Variants in RXRA observed in about 807,000 individuals in gnomAD.
RXRA encodes retinoid X receptor alpha.
Under a neutral mutation model 44.5 loss-of-function variants are expected in RXRA, and 5 were observed. The observed-to-expected ratio is 0.11, with a 90% confidence interval of 0.06 to 0.24. The LOEUF (loss-of-function observed/expected upper bound fraction) is 0.24. RXRA is among the 10% of genes least tolerant of loss of function. RXRA has a pLI of 1.00. For missense variants in RXRA, 412 were observed against 646.5 expected, an observed-to-expected ratio of 0.64 and a Z score of 3.93; for synonymous variants, 291 against 271.4, an observed-to-expected ratio of 1.07 and a Z score of -0.71.
intron 1 of RXRA, among the ~76,000 whole-genome samples, chr9:134,344,392 T>C (rs1441135982): frequency 6.6e-6 from 1 of 152,142 alleles, no homozygotes; most frequent in East Asian, 1.9e-4. Flanking sequence ...GGGGCTGAGA[T>C]TGGGGTCCCG....
chr9:134,380,023 C>T (rs933641007), intron 1 of RXRA: 1 of 985,280 alleles, frequency 1.0e-6, no homozygotes, highest in Non-Finnish European at 1.2e-6. Context: ...AGCAGGGGCT[C>T]CCTTTTCTGT....
At chr9:134,348,030 G>A (rs1214685315) in intron 1 of RXRA, among the ~76,000 whole-genome samples, 1 of 152,206 alleles carries the variant, frequency 6.6e-6, no homozygotes, top group African/African-American at 2.4e-5. Context: ...AGGAGCCGGT[G>A]GGTCTGGTTG....
intron 1 of RXRA, among the ~76,000 whole-genome samples, chr9:134,397,088 G>A (rs1392342011): frequency 6.6e-6 from 1 of 152,242 alleles, no homozygotes; most frequent in Non-Finnish European, 1.5e-5. Context: ...CTGCTCTGGG[G>A]TCCAGGGAGC....
intron 1 of RXRA, among the ~76,000 whole-genome samples, chr9:134,382,898 G>A (rs983146407): frequency 8.5e-5 from 13 of 152,318 alleles, no homozygotes; most frequent in Admixed American, 2.0e-4. Flanking sequence ...AGCACCTGTC[G>A]AGTTCTTGGA....
intron 1 of RXRA, among the ~76,000 whole-genome samples, chr9:134,339,841 G>A (rs1830064322): frequency 6.7e-6 from 1 of 149,926 alleles, no homozygotes; most frequent in South Asian, 2.2e-4. Context: ...GTGAGTCTGT[G>A]TGTGTGTGAG....
rs1831685610 is a variant in RXRA at position 134,439,184 on chromosome 9, A to G, written c.*2570A>G. ...CAATCTTTAATTTTCTAAAGATAGC[A>G]CTAACATCAGCTCATTAGCCACCTG... On this transcript the variant is annotated 3_prime_UTR_variant, in exon 10 of 10. Coordinates refer to ENST00000481739, the MANE Select transcript of RXRA (RefSeq NM_002957.6). The G allele has an allele frequency of 6.6e-6, 1 of 152,214 alleles. No homozygotes were observed. The highest frequency in any genetic ancestry group is 2.1e-4 in the South Asian group (1 of 4,830). 9.4% of individuals were successfully genotyped at this position (152,214 alleles called of 1,614,324 possible).
intron 4 of RXRA, among the ~76,000 whole-genome samples, chr9:134,414,477 A>C (rs1214269470): frequency 6.6e-6 from 1 of 152,224 alleles, no homozygotes; most frequent in African/African-American, 2.4e-5. Context: ...TGTCATTTTC[A>C]TCTTACGGAT....
At position 134,439,907 on chromosome 9, in the gene RXRA, G is replaced by T. The variant is rs779322117; in HGVS notation, c.*3293G>T. Reference sequence around the variant, plus strand: ...AAGGACCCTCCTTTGGTGAAATCCGGGTTCGAATGAATATCTCAAGGCAGG... The same window carrying T: ...AAGGACCCTCCTTTGGTGAAATCCGTGTTCGAATGAATATCTCAAGGCAGG... On this transcript the variant is annotated 3_prime_UTR_variant, in exon 10 of 10. Transcript: ENST00000481739. The T allele has an allele frequency of 6.6e-6, 1 of 152,366 alleles. No individual in the cohort carries two copies. Among genetic ancestry groups the T allele is most frequent in the East Asian group, 1.9e-4 (1 of 5,192 alleles). 9.4% of individuals were successfully genotyped at this position (152,366 alleles called of 1,614,324 possible).
intron 1 of RXRA, among the ~76,000 whole-genome samples, chr9:134,364,977 TCTTA>T (rs1432610985): frequency 3.9e-5 from 6 of 152,206 alleles, no homozygotes; most frequent in Non-Finnish European, 8.8e-5. Flanking sequence ...TTACCTGCCC[TCTTA>T]CTTATGAGGA....
At chr9:134,424,418 C>T (rs557299039) in intron 6 of RXRA, 30 of 985,360 alleles carry the variant, frequency 3.0e-5, no homozygotes, top group Middle Eastern at 5.2e-4. Flanking sequence ...TGGGCGCCCA[C>T]TGAGGTCCTT....
chr9:134,389,331 G>A (rs139923729), intron 1 of RXRA, among the ~76,000 whole-genome samples: 11 of 152,330 alleles, frequency 7.2e-5, no homozygotes, highest in African/African-American at 2.4e-4. Flanking sequence ...AGAAGTGGAC[G>A]TTGGTGAGGC....
chr9:134,326,901 G>T (rs1251371096), intron 1 of RXRA, among the ~76,000 whole-genome samples: 1 of 149,374 alleles, frequency 6.7e-6, no homozygotes, highest in African/African-American at 2.4e-5. Context: ...GGGGCGGGTG[G>T]CAGGTTCGCC....
At chr9:134,409,321 G>A (rs1256355670) in intron 4 of RXRA, among the ~76,000 whole-genome samples, 5 of 152,354 alleles carry the variant, frequency 3.3e-5, no homozygotes, top group South Asian at 2.1e-4. Context: ...GGTCCTGGGC[G>A]GCATGTTCTG....
intron 1 of RXRA, among the ~76,000 whole-genome samples, chr9:134,362,818 G>A (rs985968504): frequency 3.3e-5 from 5 of 152,234 alleles, no homozygotes; most frequent in Admixed American, 6.5e-5. Context: ...GGCTGGTGGC[G>A]CTTAGAGGAG....
In RXRA at chr9:134,412,621, G is replaced by A. The variant is rs183222918; in HGVS notation, c.610+3502G>A. ...TCGTTCCGCAGCATTCCCGGGACCA[G>A]GGGTGGGCAGAGGTGGGGGGACGTG... On this transcript the variant is annotated intron_variant, in intron 4 of 9. Coordinates refer to ENST00000481739, the MANE Select transcript of RXRA (RefSeq NM_002957.6). 1.4e-3 allele frequency among the ~76,000 whole-genome samples: 210 copies of A among 152,322 alleles called. 1 individual carries two copies. Among genetic ancestry groups the A allele is most frequent in the African/African-American group, 4.8e-3 (201 of 41,578 alleles).
In RXRA at chr9:134,421,687, T is replaced by A. The variant is rs1490698723; in HGVS notation, c.792T>A (p.Pro264=). 1 of 1,567,978 alleles carries A rather than the reference T, an allele frequency of 6.4e-7. No homozygotes were observed. Among genetic ancestry groups the A allele is most frequent in the Non-Finnish European group, 8.7e-7 (1 of 1,152,046 alleles). Reference sequence around the variant, plus strand: ...TTCCTCCACTGCAGCCGAACGACCCTGTCACCAACATTTGCCAAGCAGCCG... The same window carrying A: ...TTCCTCCACTGCAGCCGAACGACCCAGTCACCAACATTTGCCAAGCAGCCG... ...MGLNPSSPND[P]VTNICQAADK... is the part of the protein sequence containing the mutation. Residue 264 remains proline, a synonymous_variant, in exon 6 of 10, where the codon CCT becomes CCA. Coordinates refer to ENST00000481739, the MANE Select transcript of RXRA (RefSeq NM_002957.6).
chr9:134,421,758 A>G lies in RXRA; in HGVS notation c.863A>G (p.His288Arg), dbSNP rs1021242717. The change falls in exon 6 of 10, where the codon CAC becomes CGC. Residue 288 changes from histidine to arginine, a missense_variant. This residue lies in a region of RXRA where 141 missense variants were observed against 270.8 expected (regional missense o/e 0.52). Transcript: ENST00000481739. Reference protein sequence around the residue: ...TLVEWAKRIPHFSELPLDDQV... With the variant: ...TLVEWAKRIPRFSELPLDDQV... ...GTGGAGTGGGCCAAGCGGATCCCAC[A>G]CTTCTCAGAGCTGCCCCTGGACGAC... 20 of 1,606,944 alleles carry G rather than the reference A, an allele frequency of 1.2e-5. No individual in the cohort carries two copies. The highest frequency in any genetic ancestry group is 1.4e-5 in the Non-Finnish European group (17 of 1,174,678).
chr9:134,386,024 G>C (rs1830714775), intron 1 of RXRA, among the ~76,000 whole-genome samples: 1 of 152,256 alleles, frequency 6.6e-6, no homozygotes, highest in Non-Finnish European at 1.5e-5. Context: ...GAAGCTCTTG[G>C]CTTTGGCCAA....
chr9:134,346,884 AC>A (rs1830159638), intron 1 of RXRA, among the ~76,000 whole-genome samples: 1 of 152,280 alleles, frequency 6.6e-6, no homozygotes, highest in East Asian at 1.9e-4. Flanking sequence ...CTGGGACCCC[AC>A]CAGCGCTTCA....
Sources: allele counts gnomAD v4.1 joint callset (sites outside exome capture counted in the v4.1 genomes callset), GRCh38; gene constraint gnomAD v4.1.1; regional missense constraint gnomAD v4.1.1; transcripts MANE v1.5; gene names NCBI Gene and HGNC (gene_info 2026-07-23, HGNC 2026-07-21).